HSPA12A: variants seen among roughly 807,000 people sequenced by gnomAD.
HSPA12A encodes heat shock 70 kDa protein 12A.
Under a neutral mutation model 69.2 loss-of-function variants are expected in HSPA12A, and 28 were observed. The ratio of observed to expected loss-of-function variants is 0.40; its 90% CI spans 0.30 to 0.55. The LOEUF is 0.55. Ranked by LOEUF, HSPA12A falls within the 20% of genes least tolerant of loss-of-function variation. The pLI is 0.38. For missense variants in HSPA12A, 686 were observed against 900.7 expected, an observed-to-expected ratio of 0.76 and a Z score of 3.05; for synonymous variants, 345 against 370.5, an observed-to-expected ratio of 0.93 and a Z score of 0.79.
intron 1 of HSPA12A, among the ~76,000 whole-genome samples, chr10:116,722,826 C>T (rs1303319953): frequency 6.6e-6 from 1 of 152,134 alleles, no homozygotes; most frequent in Non-Finnish European, 1.5e-5. Context: ...CACATGGACT[C>T]TTCATGAGAC....
intron 1 of HSPA12A, among the ~76,000 whole-genome samples, chr10:116,722,468 A>T (rs1554884500): frequency 6.6e-6 from 1 of 152,124 alleles, no homozygotes; most frequent in African/African-American, 2.4e-5. Context: ...TGGCATAGAC[A>T]CCACACTGAG....
intron 1 of HSPA12A, among the ~76,000 whole-genome samples, chr10:116,717,843 A>G (rs1435931795): frequency 1.3e-4 from 20 of 152,176 alleles, no homozygotes; most frequent in Non-Finnish European, 5.9e-5. Context: ...CCAGACAGGA[A>G]CTTGGCAAAG....
In HSPA12A at chr10:116,686,155, C is replaced by A. The variant is rs1172567680; in HGVS notation, c.664-2193G>T. 6.6e-6 allele frequency among the ~76,000 whole-genome samples: 1 copy of A among 152,190 alleles called. No individual in the cohort carries two copies. Among genetic ancestry groups the A allele is most frequent in the Non-Finnish European group, 1.5e-5 (1 of 68,044 alleles). On this transcript the variant is annotated intron_variant, in intron 6 of 11. Coordinates refer to ENST00000369209, the MANE Select transcript of HSPA12A (RefSeq NM_025015.3). This position sits in a 1 kb window ranked among gnomAD's most constrained non-coding sequence, Gnocchi z 4.1. ...CTCTCACAGGGTCACATTAGACATC[C>A]TTAGCACAAACATGGCTGGAGGTTA... is the stretch of plus-strand genomic sequence containing the variant.
intron 4 of HSPA12A, among the ~76,000 whole-genome samples, chr10:116,699,680 C>T (rs1437284276): frequency 6.6e-6 from 1 of 152,212 alleles, no homozygotes; most frequent in South Asian, 2.1e-4. Flanking sequence ...AACAAAGATA[C>T]CCCAGCTTTA....
At chr10:116,698,318 G>A in intron 5 of HSPA12A, 1 of 244,098 alleles carries the variant, frequency 4.1e-6, no homozygotes, top group Admixed American at 5.1e-5. Flanking sequence ...TTCTCTTAGG[G>A]ATTTCATTTC....
chr10:116,844,025 C>T (rs1367660632), intron 1 of HSPA12A, among the ~76,000 whole-genome samples: 3 of 152,182 alleles, frequency 2.0e-5, no homozygotes, highest in Non-Finnish European at 4.4e-5. Context: ...AAGTGAGCAA[C>T]TCAACTGACT....
chr10:116,849,904 C>T (rs1359478437), upstream of HSPA12A: 5 of 797,044 alleles, frequency 6.3e-6, no homozygotes, highest in African/African-American at 6.8e-5. Flanking sequence ...GAAGGACACC[C>T]AGGGGTGAAG....
chr10:116,724,180 G>A (rs910808508), intron 1 of HSPA12A, among the ~76,000 whole-genome samples: 1 of 152,162 alleles, frequency 6.6e-6, no homozygotes, highest in Non-Finnish European at 1.5e-5. Flanking sequence ...GGGCCACAAG[G>A]GAGTGTCACA....
chr10:116,772,858 C>CTAA (rs1249388956), intron 2 of HSPA12A, among the ~76,000 whole-genome samples: 12 of 151,760 alleles, frequency 7.9e-5, no homozygotes, highest in Non-Finnish European at 1.3e-4. Context: ...CCACATCTGG[C>CTAA]TGATTATTAT....
intron 1 of HSPA12A, among the ~76,000 whole-genome samples, chr10:116,722,379 C>A (rs112031864): frequency 1.3e-4 from 20 of 152,178 alleles, no homozygotes; most frequent in Non-Finnish European, 2.8e-4. Flanking sequence ...GACACCCACA[C>A]GAGCCCACGG....
intron 1 of HSPA12A, among the ~76,000 whole-genome samples, chr10:116,739,926 G>T (rs1851429033): frequency 6.6e-6 from 1 of 151,664 alleles, no homozygotes; most frequent in South Asian, 2.1e-4. Context: ...TTCATGGCCA[G>T]CCTTTCTGAC....
chr10:116,844,230 C>A (rs1169821756), intron 1 of HSPA12A, among the ~76,000 whole-genome samples: 1 of 152,158 alleles, frequency 6.6e-6, no homozygotes, highest in Non-Finnish European at 1.5e-5. Flanking sequence ...TGTGGCTGTT[C>A]TGCAGATTCA....
chr10:116,698,422 A>C (rs1398396466), intron 5 of HSPA12A: 8 of 422,398 alleles, frequency 1.9e-5, no homozygotes, highest in East Asian at 1.3e-4. Context: ...TTTTTTAGGA[A>C]TTGCCAAACT....
intron 4 of HSPA12A, 72 bp from the exon 5 acceptor site, chr10:116,698,811 C>G (rs1849995035): frequency 8.4e-7 from 1 of 1,194,860 alleles, no homozygotes; most frequent in Non-Finnish European, 1.2e-6. Flanking sequence ...TTGGGGACTG[C>G]TCCAAGGGGA....
intron 1 of HSPA12A, among the ~76,000 whole-genome samples, chr10:116,836,605 C>G (rs1290357155): frequency 6.6e-6 from 1 of 152,180 alleles, no homozygotes; most frequent in Non-Finnish European, 1.5e-5. Context: ...TAGCCCCGTT[C>G]AAGAATGAGG....
At chr10:116,796,872 T>C (rs1844837349) in intron 2 of HSPA12A, among the ~76,000 whole-genome samples, 1 of 147,906 alleles carries the variant, frequency 6.8e-6, no homozygotes, top group Admixed American at 6.6e-5. Context: ...TCAGAAAAAT[T>C]TGCAATCTGT....
At chr10:116,685,078 A>G (rs1007721201) in intron 6 of HSPA12A, among the ~76,000 whole-genome samples, 1 of 152,180 alleles carries the variant, frequency 6.6e-6, no homozygotes, top group Non-Finnish European at 1.5e-5. Context: ...CATCCCTGCC[A>G]CTGCCGTGGT....
rs1348608700 is a variant in HSPA12A, at chr10:116,679,602, T to C, written c.1187A>G (p.Asp396Gly). The C allele has an allele frequency of 6.2e-7, 1 of 1,614,266 alleles. No individual in the cohort carries two copies. Among genetic ancestry groups the C allele is most frequent in the Middle Eastern group, 1.6e-4 (1 of 6,062 alleles). The change falls in exon 10 of 12, where the codon GAC becomes GGC. Residue 396 changes from aspartate to glycine, a missense_variant. Asp to Gly is a moderately conservative substitution (Grantham distance 94). Coordinates refer to ENST00000369209, the MANE Select transcript of HSPA12A (RefSeq NM_025015.3). Reference sequence around the variant, plus strand: ...GGTGATGTTCAGCGGGTTAGTTCTGTCTGGGGCAGCCGCCCTTTTGCGAGA... The same window carrying C: ...GGTGATGTTCAGCGGGTTAGTTCTGCCTGGGGCAGCCGCCCTTTTGCGAGA... ...FESRKRAAAP[D>G]RTNPLNITLP...
intron 1 of HSPA12A, among the ~76,000 whole-genome samples, chr10:116,838,313 A>G (rs1463070498): frequency 6.6e-6 from 1 of 152,112 alleles, no homozygotes; most frequent in Non-Finnish European, 1.5e-5. Context: ...TGTGGGAGGG[A>G]GGCAGGGGTT....
Sources: allele counts gnomAD v4.1 joint callset (sites outside exome capture counted in the v4.1 genomes callset), GRCh38; gene constraint gnomAD v4.1.1; non-coding constraint Gnocchi (gnomAD v3.1); transcripts MANE v1.5; gene names NCBI Gene and HGNC (gene_info 2026-07-23, HGNC 2026-07-21).